The following ARHGAP10 variants were observed in gnomAD, a reference collection of about 807,000 sequenced individuals.
ARHGAP10 encodes Rho GTPase activating protein 10, also known as rho GTPase-activating protein 10.
ARHGAP10 carries 87 observed loss-of-function variants against 108.6 expected under a neutral mutation model. That is an observed-to-expected ratio of 0.80 (90% CI 0.67 to 0.96). The LOEUF is 0.96. ARHGAP10 is among the 40% of genes least tolerant of loss of function. The probability of loss-of-function intolerance (pLI) is 0.00; values close to 1 mark genes in which losing one functional copy is unlikely to be tolerated. For missense variants in ARHGAP10, 939 were observed against 954.5 expected (o/e 0.98, Z 0.21); for synonymous variants, 347 against 341.1 (o/e 1.02, Z -0.19).
At chr4:147,838,435 A>C (rs1733260556) in intron 3 of ARHGAP10, among the ~76,000 whole-genome samples, 1 of 150,602 alleles carries the variant, frequency 6.6e-6, no homozygotes, top group African/African-American at 2.4e-5. Context: ...ACACCATTGC[A>C]CTCCAAGCCT....
chr4:148,032,855 G>A (rs1425817514), intron 19 of ARHGAP10, among the ~76,000 whole-genome samples: 1 of 152,140 alleles, frequency 6.6e-6, no homozygotes, highest in African/African-American at 2.4e-5. Flanking sequence ...TCGAGGGCAG[G>A]AAACATCCAG....
chr4:147,819,648 T>A (rs1732399927), intron 1 of ARHGAP10, among the ~76,000 whole-genome samples: 1 of 152,096 alleles, frequency 6.6e-6, no homozygotes, highest in Admixed American at 6.5e-5. Context: ...CCCGGGTTCC[T>A]CCCGGGTTCA....
intron 1 of ARHGAP10, among the ~76,000 whole-genome samples, chr4:147,770,104 A>G (rs887832772): frequency 1.3e-5 from 2 of 152,192 alleles, no homozygotes; most frequent in Admixed American, 1.3e-4. Context: ...CGTCCTTGCC[A>G]CCACTGACTT....
chr4:147,977,535 T>G (rs1739640788), intron 18 of ARHGAP10, among the ~76,000 whole-genome samples: 1 of 152,224 alleles, frequency 6.6e-6, no homozygotes, highest in Admixed American at 6.5e-5. Context: ...GGCACTAGGC[T>G]GGGCTCCTTA....
At chr4:147,935,851 A>G (rs1737909832) in intron 13 of ARHGAP10, among the ~76,000 whole-genome samples, 1 of 152,242 alleles carries the variant, frequency 6.6e-6, no homozygotes, top group South Asian at 2.1e-4. Flanking sequence ...TCATTTAAAA[A>G]TGTAGAAACT....
At chr4:148,039,368 A>AT (rs34876546) in intron 19 of ARHGAP10, among the ~76,000 whole-genome samples, 1,917 of 73,072 alleles carry the variant, frequency 0.026, 279 homozygotes, top group Non-Finnish European at 0.03. Context: ...TACTACTTCA[A>AT]TTTTTTTTTT....
intron 11 of ARHGAP10, among the ~76,000 whole-genome samples, chr4:147,907,925 C>G (rs1359884271): frequency 6.6e-6 from 1 of 152,156 alleles, no homozygotes; most frequent in East Asian, 1.9e-4. Context: ...TCACTGCAAC[C>G]TCTGCCTCCT....
intron 1 of ARHGAP10, among the ~76,000 whole-genome samples, chr4:147,734,895 G>A (rs1180328887): frequency 6.6e-6 from 1 of 152,144 alleles, no homozygotes; most frequent in Non-Finnish European, 1.5e-5. Context: ...TATATTTCCA[G>A]ATATTTTATA....
intron 15 of ARHGAP10, among the ~76,000 whole-genome samples, chr4:147,947,952 T>A (rs2126973409): frequency 6.6e-6 from 1 of 151,638 alleles, no homozygotes; most frequent in Non-Finnish European, 1.5e-5. Flanking sequence ...TGTTTTTTTT[T>A]TTTTTTTGAG....
intron 10 of ARHGAP10, among the ~76,000 whole-genome samples, chr4:147,901,466 C>T (rs914782551): frequency 6.6e-6 from 1 of 152,076 alleles, no homozygotes; most frequent in Non-Finnish European, 1.5e-5. Context: ...ACATTATTTG[C>T]CAAAATATAA....
chr4:147,942,176 T>C (rs1241113085), intron 14 of ARHGAP10, among the ~76,000 whole-genome samples: 1 of 152,186 alleles, frequency 6.6e-6, no homozygotes, highest in East Asian at 1.9e-4. Flanking sequence ...CTGCAGGTAA[T>C]AGGTTTATTT....
In ARHGAP10 at chr4:147,875,075, A is replaced by C; in HGVS notation, c.757A>C (p.Ile253Leu). 1 of 1,610,394 alleles carries C rather than the reference A, an allele frequency of 6.2e-7. No homozygotes were observed. The highest frequency in any genetic ancestry group is 8.5e-7 in the Non-Finnish European group (1 of 1,179,240). The change falls in exon 8 of 23, where the codon ATC (isoleucine) becomes CTC (leucine). Residue 253 changes from isoleucine (I) to leucine (L), a missense_variant. Coordinates refer to ENST00000336498, the MANE Select transcript of ARHGAP10 (RefSeq NM_024605.4). ...AGAAGTGGAAGAGCTCATGAACAAA[A>C]TCAGACAGAATCCCAAGGACCACAA... ...RSEVEELMNKIRQNPKDHKRA... is the reference protein window; with the variant it reads ...RSEVEELMNKLRQNPKDHKRA...
At chr4:147,835,519 A>G (rs1733134073) in intron 3 of ARHGAP10, among the ~76,000 whole-genome samples, 2 of 152,284 alleles carry the variant, frequency 1.3e-5, no homozygotes, top group Admixed American at 1.3e-4. Context: ...GGTTACAGGC[A>G]TGTGCCACCA....
chr4:147,845,068 A>G (rs754112999), intron 3 of ARHGAP10, among the ~76,000 whole-genome samples: 3 of 152,106 alleles, frequency 2.0e-5, no homozygotes, highest in African/African-American at 7.2e-5. Flanking sequence ...GCCTTTTGAC[A>G]TTCCCTGTAA....
chr4:147,847,467 A>G (rs1733682675), intron 4 of ARHGAP10, among the ~76,000 whole-genome samples: 2 of 152,230 alleles, frequency 1.3e-5, no homozygotes, highest in South Asian at 2.1e-4. Flanking sequence ...TTTTAAAAAT[A>G]CCTGTAACCA....
intron 1 of ARHGAP10, among the ~76,000 whole-genome samples, chr4:147,797,668 C>A (rs927734946): frequency 3.3e-5 from 5 of 152,204 alleles, no homozygotes; most frequent in African/African-American, 1.2e-4. Flanking sequence ...GCCTCAGCCT[C>A]CCAGAGTGCT....
intron 20 of ARHGAP10, 87 bp from the exon 21 acceptor site, chr4:148,063,061 C>T: frequency 6.7e-7 from 1 of 1,490,612 alleles, no homozygotes; most frequent in Non-Finnish European, 9.2e-7. Context: ...GAATTAGTGA[C>T]CTAGTCATCT....
intron 4 of ARHGAP10, among the ~76,000 whole-genome samples, chr4:147,848,171 C>T (rs1020593659): frequency 2.0e-5 from 3 of 151,918 alleles, no homozygotes; most frequent in African/African-American, 7.3e-5. Flanking sequence ...GTAGCTTAAC[C>T]ACACAGATGA....
chr4:147,759,470 A>AG (rs1230213574), intron 1 of ARHGAP10, among the ~76,000 whole-genome samples: 1 of 152,018 alleles, frequency 6.6e-6, no homozygotes, highest in East Asian at 1.9e-4. Context: ...GTTACTTGGG[A>AG]GGCTGAGGTG....
Sources: allele counts gnomAD v4.1 joint callset (sites outside exome capture counted in the v4.1 genomes callset), GRCh38; gene constraint gnomAD v4.1.1; transcripts MANE v1.5; gene names NCBI Gene and HGNC (gene_info 2026-07-23, HGNC 2026-07-21).